Variants in ADH6 observed in about 807,000 individuals in gnomAD.
ADH6 encodes alcohol dehydrogenase 6 (class V).
Under a neutral mutation model 36.5 loss-of-function variants are expected in ADH6, and 34 were observed. That is an observed-to-expected ratio of 0.93 (90% CI 0.71 to 1.24). The LOEUF (loss-of-function observed/expected upper bound fraction) is 1.24. Ranked by LOEUF, ADH6 falls within the 50% of genes most tolerant of loss-of-function variation. The pLI, the probability that ADH6 is intolerant of heterozygous loss-of-function variation, is 0.00. For missense variants in ADH6, 440 were observed against 447.0 expected, an observed-to-expected ratio of 0.98 and a Z score of 0.14; for synonymous variants, 161 against 155.5, an observed-to-expected ratio of 1.04 and a Z score of -0.26.
chr4:99,213,669 A>G lies in ADH6; in HGVS notation c.199T>C (p.Leu67=), dbSNP rs1266227365. The G allele has an allele frequency of 2.5e-6, 4 of 1,613,854 alleles. No individual in the cohort carries two copies. Among genetic ancestry groups the G allele is most frequent in the African/African-American group, 2.7e-5 (2 of 74,898 alleles). Reference sequence around the variant, plus strand: ...ACGATTCCAGCCCCTTCATGGCCCAAGATGGTGGGATACAAGAGGTCCAAG... The same window carrying G: ...ACGATTCCAGCCCCTTCATGGCCCAGGATGGTGGGATACAAGAGGTCCAAG... ...KHLDLLYPTI[L]GHEGAGIVES... Residue 67 remains leucine, a synonymous_variant, in exon 3 of 9, where the codon TTG becomes CTG. Transcript: ENST00000394899.
chr4:99,219,098 A>G, intron 1 of ADH6, 37 bp downstream of exon 1: 2 of 1,600,420 alleles, frequency 1.2e-6, no homozygotes, highest in Admixed American at 3.3e-5. Flanking sequence ...AAACTGACAA[A>G]GATATGACAC....
intron 1 of ADH6, among the ~76,000 whole-genome samples, chr4:99,218,562 T>A (rs1731530731): frequency 6.6e-6 from 1 of 152,222 alleles, no homozygotes; most frequent in African/African-American, 2.4e-5. Context: ...TCTCTGTCAG[T>A]CTCTCCAACC....
In ADH6 at chr4:99,208,828, A is replaced by G. The variant is rs750137720; in HGVS notation, c.668T>C (p.Val223Ala). The change falls in exon 6 of 9, where the codon GTG becomes GCG. Residue 223 changes from valine to alanine, a missense_variant. Transcript: ENST00000394899. Reference protein sequence around the residue: ...KAAGAARIIGVDVNKEKFKKA... With the variant: ...KAAGAARIIGADVNKEKFKKA... ...CTTAAATTTCTCCTTGTTGACATCCACTCCAATGATCCTGGCTGCTCCTGC... is the reference window on the plus strand; with the variant it reads ...CTTAAATTTCTCCTTGTTGACATCCGCTCCAATGATCCTGGCTGCTCCTGC... The G allele has an allele frequency of 6.8e-6, 11 of 1,613,400 alleles. No individual in the cohort carries two copies. Among genetic ancestry groups the G allele is most frequent in the African/African-American group, 1.3e-5 (1 of 74,752 alleles).
intron 1 of ADH6, 144 bp downstream of exon 1, chr4:99,218,991 G>A: frequency 1.4e-6 from 1 of 734,034 alleles, no homozygotes; most frequent in Non-Finnish European, 2.3e-6. Flanking sequence ...GGAAAAAGGA[G>A]AGGAGGAGGA....
chr4:99,206,229 G>A (rs1436445638), intron 7 of ADH6, among the ~76,000 whole-genome samples: 1 of 152,092 alleles, frequency 6.6e-6, no homozygotes, highest in Non-Finnish European at 1.5e-5. Flanking sequence ...CACATTGTGG[G>A]AGGTTTAGCA....
chr4:99,210,627 A>G, intron 3 of ADH6, 125 bp from the exon 4 acceptor site: 1 of 712,464 alleles, frequency 1.4e-6, no homozygotes, highest in Non-Finnish European at 2.4e-6. Context: ...TTCCACATTC[A>G]GTTGTGCTTG....
At chr4:99,209,989 C>T in intron 5 of ADH6, 93 bp downstream of exon 5, 1 of 1,322,628 alleles carries the variant, frequency 7.6e-7, no homozygotes. Context: ...TGGGATTTTT[C>T]CTTTGGTATG....
intron 2 of ADH6, 25 bp downstream of exon 2, chr4:99,216,134 GAT>G: frequency 1.2e-6 from 1 of 848,584 alleles, no homozygotes; most frequent in Non-Finnish European, 1.7e-6. Flanking sequence ...CTTTTGGTGT[GAT>G]TTTTTTTTTT....
chr4:99,205,132 A>G, intron 7 of ADH6, 69 bp from the exon 8 acceptor site: 1 of 1,465,536 alleles, frequency 6.8e-7, no homozygotes, highest in Non-Finnish European at 9.0e-7. Flanking sequence ...CATTCAAAGT[A>G]ACTGCTGAAG....
At chr4:99,209,677 C>T (rs986972386) in intron 5 of ADH6, among the ~76,000 whole-genome samples, 6 of 152,006 alleles carry the variant, frequency 3.9e-5, no homozygotes, top group Non-Finnish European at 5.9e-5. Flanking sequence ...ATATATCATG[C>T]AATATAATAT....
intron 5 of ADH6, among the ~76,000 whole-genome samples, chr4:99,209,454 T>G (rs1419314518): frequency 6.6e-6 from 1 of 152,132 alleles, no homozygotes; most frequent in Non-Finnish European, 1.5e-5. Flanking sequence ...TTGGGACTGA[T>G]GGACACTGGA....
chr4:99,205,025 C>A lies in ADH6; in HGVS notation c.1003G>T (p.Asp335Tyr), dbSNP rs753761670. The A allele has an allele frequency of 6.2e-7, 1 of 1,606,584 alleles. No homozygotes were observed. Among genetic ancestry groups the A allele is most frequent in the Non-Finnish European group, 8.5e-7 (1 of 1,176,634 alleles). Residue 335 changes from aspartate (D) to tyrosine (Y), a missense_variant, in exon 8 of 9, where the codon GAT becomes TAT. By Grantham distance (160) the Asp-to-Tyr change is radical. Coordinates refer to ENST00000394899, the MANE Select transcript of ADH6 (RefSeq NM_001102470.2). Reference protein sequence around the residue: ...SRQHIPKLVADYMAEKLNLDP... With the variant: ...SRQHIPKLVAYYMAEKLNLDP... ...AGATTCAACTTCTCTGCCATATAAT[C>A]AGCAACCAGTTTAGGGATGTGCTGT...
chr4:99,219,192 G>A lies in ADH6; in HGVS notation c.-40C>T. 6.3e-7 allele frequency: 1 copy of A among 1,595,552 alleles called. No individual in the cohort carries two copies. The highest frequency in any genetic ancestry group is 1.1e-5 in the South Asian group (1 of 90,674). On this transcript the variant is annotated 5_prime_UTR_variant, in exon 1 of 9. Coordinates refer to ENST00000394899, the MANE Select transcript of ADH6 (RefSeq NM_001102470.2). ...CCGCAGATGAATTTATTGAGAAAGG[G>A]AGATCCTGTAGCAACTTTCACTGTA...
At chr4:99,212,637 A>AC (rs1731263683) in intron 3 of ADH6, among the ~76,000 whole-genome samples, 1 of 151,422 alleles carries the variant, frequency 6.6e-6, no homozygotes, top group Admixed American at 6.6e-5. Flanking sequence ...CATTTTTCCC[A>AC]CCCCCAGCCT....
At chr4:99,207,803 A>G (rs1309896239) in intron 6 of ADH6, among the ~76,000 whole-genome samples, 1 of 152,170 alleles carries the variant, frequency 6.6e-6, no homozygotes, top group Non-Finnish European at 1.5e-5. Flanking sequence ...GACTCAATAA[A>G]TGGAAATAAC....
chr4:99,202,684 G>A lies in ADH6; in HGVS notation c.*1535C>T, dbSNP rs928490756. ...TATTGGAGCAAAGAGTGTGGACACTGTTTACAACAAAACGTTTCCGGGAAA... is the reference window on the plus strand; with the variant it reads ...TATTGGAGCAAAGAGTGTGGACACTATTTACAACAAAACGTTTCCGGGAAA... On this transcript the variant is annotated 3_prime_UTR_variant, in exon 9 of 9. Coordinates refer to ENST00000394899, the MANE Select transcript of ADH6 (RefSeq NM_001102470.2). The A allele has an allele frequency of 1.0e-5, 4 of 397,930 alleles. No individual in the cohort carries two copies. In the South Asian group the frequency reaches 3.8e-4, roughly 38 times the overall value. The allele number at this position is 397,930 out of a possible 1,614,324, so 24.6% of individuals were successfully genotyped here. A position where few individuals can be genotyped will look rare whatever the true frequency, so the allele number is the denominator to read the frequency against.
At chr4:99,216,774 G>A (rs1420818012) in intron 1 of ADH6, among the ~76,000 whole-genome samples, 1 of 151,470 alleles carries the variant, frequency 6.6e-6, no homozygotes, top group African/African-American at 2.4e-5. Flanking sequence ...GAACCTGGGA[G>A]ACGGAAGTTG....
intron 1 of ADH6, 141 bp from the exon 2 acceptor site, chr4:99,216,403 G>T: frequency 2.3e-6 from 1 of 436,524 alleles, no homozygotes; most frequent in South Asian, 8.4e-5. Context: ...ATAAATATAT[G>T]CTGAAGGTAG....
At position 99,213,805 on chromosome 4, in the gene ADH6, A is replaced by G. The variant is rs1372045265; in HGVS notation, c.121-58T>C. On this transcript the variant is annotated intron_variant, in intron 2 of 8. Transcript: ENST00000394899. ...GCTGTTTCAGATAATGGTGTTTTAG[A>G]GTTGTTGACTGTAAGGCTTTTTGCT... is the stretch of plus-strand genomic sequence containing the variant. 2.1e-6 allele frequency: 3 copies of G among 1,432,734 alleles called. No individual in the cohort carries two copies. The African/African-American group carries it at 4.3e-5, about 21-fold the overall frequency. 88.8% of individuals were successfully genotyped at this position (1,432,734 alleles called of 1,614,324 possible).
Sources: allele counts gnomAD v4.1 joint callset (sites outside exome capture counted in the v4.1 genomes callset), GRCh38; gene constraint gnomAD v4.1.1; transcripts MANE v1.5; gene names NCBI Gene and HGNC (gene_info 2026-07-23, HGNC 2026-07-21).